PDZD2: variants seen among roughly 807,000 people sequenced by gnomAD.
PDZD2 encodes PDZ domain containing 2, also known as PDZ domain-containing protein 2.
PDZD2 carries 90 observed loss-of-function variants against 220.7 expected under a neutral mutation model. The ratio of observed to expected loss-of-function variants is 0.41; its 90% CI spans 0.34 to 0.49. The LOEUF (loss-of-function observed/expected upper bound fraction) is 0.49, where lower values mean the gene tolerates loss of function less well. PDZD2 is among the 20% of genes least tolerant of loss of function. The pLI, the probability that PDZD2 is intolerant of heterozygous loss-of-function variation, is 0.28. For synonymous variants in PDZD2, 1,375 were observed against 1,450.5 expected (o/e 0.95, Z 1.18); for missense variants, 3,174 against 3,608.5 (o/e 0.88, Z 3.08).
intron 1 of PDZD2, among the ~76,000 whole-genome samples, chr5:31,641,034 G>A (rs1431424748): frequency 6.6e-6 from 1 of 152,144 alleles, no homozygotes; most frequent in East Asian, 1.9e-4. Flanking sequence ...CTTTATGGCA[G>A]TTTACTATTT....
chr5:31,710,754 T>G (rs1488339629), intron 1 of PDZD2, among the ~76,000 whole-genome samples: 1 of 150,474 alleles, frequency 6.6e-6, no homozygotes, highest in African/African-American at 2.5e-5. Context: ...AGGTGGAGGT[T>G]GCAGTGAGCC....
intron 1 of PDZD2, among the ~76,000 whole-genome samples, chr5:31,758,242 C>G (rs1416524725): frequency 6.6e-6 from 1 of 152,226 alleles, no homozygotes; most frequent in East Asian, 1.9e-4. Context: ...TGATACTTAG[C>G]AGGGGCTCAA....
At chr5:32,009,240 A>G (rs1753094016) in intron 5 of PDZD2, among the ~76,000 whole-genome samples, 1 of 151,594 alleles carries the variant, frequency 6.6e-6, no homozygotes, top group South Asian at 2.1e-4. Flanking sequence ...GCTACTTGGG[A>G]GTTGAGGTGG....
intron 1 of PDZD2, among the ~76,000 whole-genome samples, chr5:31,648,228 A>G (rs2330730): frequency 0.075 from 11,379 of 152,106 alleles, 854 homozygotes; most frequent in African/African-American, 0.2. Flanking sequence ...ATTTATGTCC[A>G]TAGCCTTGAT....
At chr5:31,939,886 G>A (rs1174548083) in intron 2 of PDZD2, among the ~76,000 whole-genome samples, 2 of 152,198 alleles carry the variant, frequency 1.3e-5, no homozygotes, top group African/African-American at 2.4e-5. Flanking sequence ...TGCACAAAGT[G>A]TATAAACCTA....
chr5:31,755,106 C>G (rs1447991245), intron 1 of PDZD2, among the ~76,000 whole-genome samples: 20 of 152,172 alleles, frequency 1.3e-4, no homozygotes, highest in Non-Finnish European at 5.9e-5. Context: ...AACCCGTGGC[C>G]GACTGATGGC....
chr5:31,915,722 T>G (rs999541068), intron 2 of PDZD2, among the ~76,000 whole-genome samples: 29 of 152,198 alleles, frequency 1.9e-4, no homozygotes, highest in Non-Finnish European at 3.5e-4. Context: ...AATATTACTC[T>G]TTTCAGGTCT....
chr5:31,771,362 A>C (rs1214188132), intron 1 of PDZD2, among the ~76,000 whole-genome samples: 2 of 152,220 alleles, frequency 1.3e-5, no homozygotes, highest in Admixed American at 1.3e-4. Context: ...ACACTGAGTC[A>C]GTGCCTACTA....
chr5:31,911,654 T>C (rs1743217587), intron 2 of PDZD2, among the ~76,000 whole-genome samples: 1 of 152,182 alleles, frequency 6.6e-6, no homozygotes, highest in African/African-American at 2.4e-5. Flanking sequence ...GGTTAGGTGG[T>C]TCACAGAAGT....
At chr5:31,878,968 C>T (rs1739599954) in intron 2 of PDZD2, among the ~76,000 whole-genome samples, 2 of 152,178 alleles carry the variant, frequency 1.3e-5, no homozygotes, top group Non-Finnish European at 2.9e-5. Context: ...AGACACGGCA[C>T]TGTCCAACCA....
intron 2 of PDZD2, among the ~76,000 whole-genome samples, chr5:31,904,620 T>A (rs1214666790): frequency 6.6e-6 from 1 of 152,018 alleles, no homozygotes; most frequent in Non-Finnish European, 1.5e-5. Flanking sequence ...CTCCGCCTCC[T>A]GGGTTCACAC....
chr5:31,817,746 C>T (rs140619555), intron 2 of PDZD2, among the ~76,000 whole-genome samples: 3 of 152,242 alleles, frequency 2.0e-5, no homozygotes, highest in African/African-American at 7.2e-5. Context: ...TCACTGCAGC[C>T]TCTGCCTCCC....
At chr5:31,729,068 A>T (rs1749351671) in intron 1 of PDZD2, among the ~76,000 whole-genome samples, 1 of 148,420 alleles carries the variant, frequency 6.7e-6, no homozygotes, top group Admixed American at 6.7e-5. Flanking sequence ...ATCAAATGAG[A>T]TACATAGCCT....
At chr5:31,999,601 T>C (rs16901730) in intron 4 of PDZD2, among the ~76,000 whole-genome samples, 6,271 of 152,152 alleles carry the variant, frequency 0.041, 434 homozygotes, top group African/African-American at 0.14. Context: ...GACCTGTAAC[T>C]CTGTTGGGAG....
chr5:32,058,588 C>A (rs111715498), intron 12 of PDZD2, among the ~76,000 whole-genome samples: 1 of 150,858 alleles, frequency 6.6e-6, no homozygotes, highest in Non-Finnish European at 1.5e-5. Context: ...GCAAGACAAT[C>A]GCTCGAACCC....
intron 8 of PDZD2, among the ~76,000 whole-genome samples, chr5:32,050,087 C>T (rs1475675360): frequency 6.6e-6 from 1 of 152,162 alleles, no homozygotes; most frequent in East Asian, 1.9e-4. Flanking sequence ...TGTGCCACCA[C>T]ACCCAGCTCA....
intron 2 of PDZD2, among the ~76,000 whole-genome samples, chr5:31,930,945 G>T (rs1249842087): frequency 1.7e-5 from 1 of 58,424 alleles, no homozygotes; most frequent in Non-Finnish European, 3.2e-5. Context: ...CGACTCAGTT[G>T]TGCTTCAGTG....
chr5:31,784,814 G>A (rs1375711180), intron 1 of PDZD2, among the ~76,000 whole-genome samples: 2 of 152,108 alleles, frequency 1.3e-5, no homozygotes, highest in Non-Finnish European at 2.9e-5. Flanking sequence ...GGCTGAGGCA[G>A]AAGAATCGCT....
rs746613793 is a variant in PDZD2, at chr5:32,089,582, T to C, written c.6134T>C (p.Met2045Thr). The C allele has an allele frequency of 1.4e-5, 23 of 1,612,474 alleles. No individual in the cohort carries two copies. In the Admixed American group the frequency reaches 3.2e-4, roughly 22 times the overall value. Reference sequence around the variant, plus strand: ...AGTCCGGCAGCGTCTAGGAACGGCATGTCCGTGGCAGGGAACAGACAGAGT... The same window carrying C: ...AGTCCGGCAGCGTCTAGGAACGGCACGTCCGTGGCAGGGAACAGACAGAGT... ...PVSPAASRNGMSVAGNRQSEP... is the reference protein window; with the variant it reads ...PVSPAASRNGTSVAGNRQSEP... Residue 2045 changes from methionine (M) to threonine (T), a missense_variant, in exon 20 of 25, where the codon ATG (methionine) becomes ACG (threonine). Physicochemically the swap from Met to Thr is moderately conservative, Grantham distance 81. Transcript: ENST00000438447.
Sources: gnomAD v4.1 joint callset for allele counts (sites outside exome capture counted in the v4.1 genomes callset) on GRCh38, gnomAD v4.1.1 for gene constraint, MANE v1.5 for transcripts, NCBI Gene and HGNC (gene_info 2026-07-23, HGNC 2026-07-21) for gene names.